Variants in GDI2 observed in about 807,000 individuals in gnomAD.
GDI2 encodes rab GDP dissociation inhibitor beta.
In GDI2, 22 loss-of-function variants were observed where a neutral mutation model predicts 54.2. The ratio of observed to expected loss-of-function variants is 0.41; its 90% CI spans 0.29 to 0.58. The LOEUF is 0.58. Among genes scored for constraint, GDI2 ranks in the 20% least tolerant of loss-of-function variants. GDI2 has a pLI of 0.35. For synonymous variants in GDI2, 177 were observed against 182.1 expected (o/e 0.97, Z 0.23); for missense variants, 422 against 546.0 (o/e 0.77, Z 2.26).
chr10:5,808,998 A>G (rs1248318372), intron 1 of GDI2, among the ~76,000 whole-genome samples: 1 of 152,098 alleles, frequency 6.6e-6, no homozygotes, highest in African/African-American at 2.4e-5. Context: ...TAATCCCAGC[A>G]CTTTGGGAGG....
intron 4 of GDI2, among the ~76,000 whole-genome samples, chr10:5,789,827 G>A (rs934450615): frequency 1.2e-3 from 179 of 152,294 alleles, no homozygotes; most frequent in African/African-American, 4.0e-3. Flanking sequence ...TCTTAACTGC[G>A]TAAGATTAAC....
chr10:5,806,484 T>A lies in GDI2; in HGVS notation c.46-5779A>T, dbSNP rs544033508. 6.1e-4 allele frequency among the ~76,000 whole-genome samples: 93 copies of A among 152,098 alleles called. 1 individual carries two copies. The highest frequency in any genetic ancestry group is 2.0e-3 in the African/African-American group (84 of 41,528). ...ACTTATGATAAGTGCCTATTCAAAA[T>A]TTTTCCCCATTTTTTAAATGGGCTT... On this transcript the variant is annotated intron_variant, in intron 1 of 10. Transcript: ENST00000380191.
rs138132465 is a variant in GDI2 at position 5,810,849 on chromosome 10, T to C, written c.45+2365A>G. On this transcript the variant is annotated intron_variant, in intron 1 of 10. Coordinates refer to ENST00000380191, the MANE Select transcript of GDI2 (RefSeq NM_001494.4). ...TCGTTTTGTATCTTCTTGATTAAGA[T>C]AACTATCAATATTTGTGATTATGAG... 7.2e-5 allele frequency among the ~76,000 whole-genome samples: 11 copies of C among 152,356 alleles called. No individual in the cohort carries two copies. The East Asian group carries it at 1.9e-3, about 27-fold the overall frequency.
chr10:5,794,191 ATATATATATAT>A (rs1564396005), intron 4 of GDI2, among the ~76,000 whole-genome samples: 1,216 of 31,894 alleles, frequency 0.038, 82 homozygotes, highest in Admixed American at 0.074. Flanking sequence ...AAAAAAAAAT[ATATATATATAT>A]ATATATATAT....
Position 5,800,628 on chromosome 10 carries a change from T to C in GDI2, c.123A>G (p.Gly41=). 1 of 1,585,916 alleles carries C rather than the reference T, an allele frequency of 6.3e-7. No homozygotes were observed. Among genetic ancestry groups the C allele is most frequent in the Non-Finnish European group, 8.7e-7 (1 of 1,154,258 alleles). ...CCAATGGTGTTATAGATGCACTCTC[T>C]CCTCCGTAGTAAGGGTTTCGATCCA... ...LHMDRNPYYG[G]ESASITPLED... The change falls in exon 2 of 11, where the codon GGA becomes GGG. Residue 41 remains glycine, a synonymous_variant. Coordinates refer to ENST00000380191, the MANE Select transcript of GDI2 (RefSeq NM_001494.4).
chr10:5,769,992 G>A (rs75574997), intron 7 of GDI2, among the ~76,000 whole-genome samples: 299 of 152,284 alleles, frequency 2.0e-3, no homozygotes, highest in Admixed American at 5.6e-3. Context: ...TCCAGGTATC[G>A]ATGAATGGAT....
At chr10:5,788,190 G>GTTT (rs201960811) in intron 4 of GDI2, among the ~76,000 whole-genome samples, 1 of 147,146 alleles carries the variant, frequency 6.8e-6, no homozygotes, top group East Asian at 2.0e-4. Context: ...TTCCTACTGT[G>GTTT]TTTTTTTTTT....
At chr10:5,767,257 T>C (rs564198792) in intron 8 of GDI2, among the ~76,000 whole-genome samples, 1 of 151,994 alleles carries the variant, frequency 6.6e-6, no homozygotes, top group South Asian at 2.1e-4. Context: ...AGGACCCGCC[T>C]GGGAACCTTG....
At chr10:5,805,363 T>TAAAA (rs33941987) in intron 1 of GDI2, among the ~76,000 whole-genome samples, 1 of 105,920 alleles carries the variant, frequency 9.4e-6, no homozygotes, top group South Asian at 3.3e-4. Context: ...ATTTGCTCTT[T>TAAAA]AAAAAAAAAA....
At chr10:5,810,619 T>C (rs1038432787) in intron 1 of GDI2, among the ~76,000 whole-genome samples, 3 of 152,216 alleles carry the variant, frequency 2.0e-5, no homozygotes, top group Admixed American at 6.5e-5. Flanking sequence ...CATAACACAA[T>C]AGTTAATCTT....
intron 4 of GDI2, among the ~76,000 whole-genome samples, chr10:5,790,868 G>T (rs909414114): frequency 6.6e-6 from 1 of 152,182 alleles, no homozygotes; most frequent in African/African-American, 2.4e-5. Context: ...AATTATAAAT[G>T]TTCTTGGCTG....
intron 4 of GDI2, among the ~76,000 whole-genome samples, chr10:5,787,232 T>C (rs939616280): frequency 6.6e-6 from 1 of 152,152 alleles, no homozygotes; most frequent in African/African-American, 2.4e-5. Flanking sequence ...GGTCAGGTCG[T>C]AGTGGCTCAC....
chr10:5,794,448 G>A (rs1408646748), intron 4 of GDI2, among the ~76,000 whole-genome samples: 3 of 151,638 alleles, frequency 2.0e-5, no homozygotes, highest in African/African-American at 4.8e-5. Flanking sequence ...TACTTATTAC[G>A]TATGCAATTT....
chr10:5,802,357 T>C (rs1346136460), intron 1 of GDI2, among the ~76,000 whole-genome samples: 2 of 151,122 alleles, frequency 1.3e-5, no homozygotes, highest in African/African-American at 4.9e-5. Context: ...TCCAAGCACT[T>C]TGAGAGGCCG....
intron 6 of GDI2, 131 bp downstream of exon 6, chr10:5,785,011 T>C: frequency 3.5e-6 from 2 of 565,576 alleles, no homozygotes; most frequent in Non-Finnish European, 5.8e-6. Context: ...GTTAATTTTA[T>C]TTCAATAAAA....
At position 5,776,241 on chromosome 10, in the gene GDI2, G is replaced by A. The variant is rs1232281179; in HGVS notation, c.720-2300C>T. On this transcript the variant is annotated intron_variant, in intron 6 of 10. Transcript: ENST00000380191. The surrounding 1 kb of genome is among the most constrained non-coding windows in gnomAD (Gnocchi z 5.3). ...GAATTGCAAAGGAATAGGAAACAGC[G>A]CCTCCTCATCCAAGACAGGTGGAAA... 1.5e-5 allele frequency: 7 copies of A among 461,180 alleles called. No homozygotes were observed. Among genetic ancestry groups the A allele is most frequent in the Middle Eastern group, 1.4e-3 (2 of 1,392 alleles). The allele number at this position is 461,180 out of a possible 1,614,324, so 28.6% of individuals were successfully genotyped here.
At chr10:5,791,248 T>C (rs1841005447) in intron 4 of GDI2, among the ~76,000 whole-genome samples, 1 of 152,122 alleles carries the variant, frequency 6.6e-6, no homozygotes, top group African/African-American at 2.4e-5. Flanking sequence ...TGAGCCGTGA[T>C]CATGCCACTG....
Position 5,807,821 on chromosome 10 carries a change from T to C in GDI2, c.45+5393A>G, listed in dbSNP as rs541799961. 2.0e-5 allele frequency among the ~76,000 whole-genome samples: 3 copies of C among 152,336 alleles called. No individual in the cohort carries two copies. The East Asian group carries it at 5.8e-4, about 29-fold the overall frequency. On this transcript the variant is annotated intron_variant, in intron 1 of 10. Coordinates refer to ENST00000380191, the MANE Select transcript of GDI2 (RefSeq NM_001494.4). ...ATCATCAAAAACAGAATAACTCATT[T>C]GGACAACACCCAAATATATTAGACA...
At chr10:5,807,476 G>C (rs1236259478) in intron 1 of GDI2, among the ~76,000 whole-genome samples, 1 of 152,142 alleles carries the variant, frequency 6.6e-6, no homozygotes, top group Admixed American at 6.5e-5. Context: ...AAATGTAACA[G>C]GTAAGAGTAC....
Sources: gnomAD v4.1 joint callset for allele counts (sites outside exome capture counted in the v4.1 genomes callset) on GRCh38, gnomAD v4.1.1 for gene constraint, Gnocchi (gnomAD v3.1) non-coding constraint, MANE v1.5 for transcripts, NCBI Gene and HGNC (gene_info 2026-07-23, HGNC 2026-07-21) for gene names.